CCDC3: variants seen among roughly 807,000 people sequenced by gnomAD.
The protein encoded by CCDC3 is coiled-coil domain containing 3.
A neutral mutation model predicts 21.4 loss-of-function variants in CCDC3; 24 were observed. That is an observed-to-expected ratio of 1.12 (90% confidence interval 0.81 to 1.58). The LOEUF (loss-of-function observed/expected upper bound fraction) is 1.58. Among genes scored for constraint, CCDC3 ranks in the 40% most tolerant of loss-of-function variants. The probability of loss-of-function intolerance (pLI) is 0.00; values close to 1 mark genes in which losing one functional copy is unlikely to be tolerated. For synonymous variants in CCDC3, 186 were observed against 166.0 expected (o/e 1.12, Z -0.93); for missense variants, 425 against 360.9 (o/e 1.18, Z -1.44).
At position 13,057,029 on chromosome 10, in the gene CCDC3, T is replaced by C. The variant is rs533463755; in HGVS notation, c.-269-7088A>G. Reference sequence around the variant, plus strand: ...GGGACAGGCCCGGCACAGTAGCTCTTGCATGTAATCCCAGCACTTTGGAGA... The same window carrying C: ...GGGACAGGCCCGGCACAGTAGCTCTCGCATGTAATCCCAGCACTTTGGAGA... On this transcript the variant is annotated intron_variant, in intron 4 of 6. Transcript: ENST00000378839. Among the ~76,000 whole-genome samples the C allele has an allele frequency of 3.3e-4, 50 of 152,242 alleles. 1 individual carries two copies. Among genetic ancestry groups the C allele is most frequent in the Admixed American group, 3.3e-3 (50 of 15,274 alleles).
chr10:12,916,052 C>A (rs192707492), intron 2 of CCDC3, among the ~76,000 whole-genome samples: 3 of 152,210 alleles, frequency 2.0e-5, no homozygotes, highest in Admixed American at 2.0e-4. Flanking sequence ...CTCGATTGTC[C>A]TGGGACAGGC....
At chr10:13,065,494 G>T (rs1295274176) in intron 4 of CCDC3, among the ~76,000 whole-genome samples, 1 of 152,190 alleles carries the variant, frequency 6.6e-6, no homozygotes, top group Non-Finnish European at 1.5e-5. Context: ...TAGTTAATGA[G>T]ATTATAGTTT....
intron 3 of CCDC3, among the ~76,000 whole-genome samples, chr10:13,074,697 C>A (rs1232174809): frequency 6.6e-6 from 1 of 151,918 alleles, no homozygotes; most frequent in African/African-American, 2.4e-5. Context: ...AGCACAAATA[C>A]GCGTGCACAC....
At chr10:13,025,539 A>T (rs1426840379) in intron 5 of CCDC3, among the ~76,000 whole-genome samples, 1 of 152,206 alleles carries the variant, frequency 6.6e-6, no homozygotes, top group Non-Finnish European at 1.5e-5. Context: ...ATTATAAAAG[A>T]ATCTTGTTAA....
chr10:12,973,345 C>T (rs1835370461), intron 2 of CCDC3, among the ~76,000 whole-genome samples: 1 of 152,218 alleles, frequency 6.6e-6, no homozygotes, highest in Non-Finnish European at 1.5e-5. Flanking sequence ...AGTTAAGTCA[C>T]AGCTGAATGG....
intron 5 of CCDC3, among the ~76,000 whole-genome samples, chr10:13,025,982 A>G (rs931749133): frequency 6.6e-6 from 1 of 152,144 alleles, no homozygotes. Flanking sequence ...GGAGTTCAAG[A>G]CCAGCCTGGC....
intron 2 of CCDC3, among the ~76,000 whole-genome samples, chr10:12,902,883 A>C (rs749198787): frequency 6.6e-6 from 1 of 152,232 alleles, no homozygotes; most frequent in South Asian, 2.1e-4. Context: ...AAGATGGAAC[A>C]GAGGGACGCC....
chr10:12,961,637 G>A (rs1235219278), intron 2 of CCDC3, among the ~76,000 whole-genome samples: 1 of 152,194 alleles, frequency 6.6e-6, no homozygotes, highest in Non-Finnish European at 1.5e-5. Flanking sequence ...AGCAACTCAG[G>A]ACAGCTGGTG....
intron 4 of CCDC3, among the ~76,000 whole-genome samples, chr10:13,056,722 A>G (rs535221100): frequency 1.3e-5 from 2 of 152,338 alleles, no homozygotes; most frequent in African/African-American, 4.8e-5. Flanking sequence ...CAGAGTAACC[A>G]GGTTAGAAGA....
chr10:13,015,111 G>C (rs1429225095), intron 5 of CCDC3, among the ~76,000 whole-genome samples: 1 of 152,126 alleles, frequency 6.6e-6, no homozygotes, highest in African/African-American at 2.4e-5. Flanking sequence ...TGAATGAGCT[G>C]TAGGCCCATG....
At chr10:13,042,580 T>C (rs1175286916) in intron 5 of CCDC3, among the ~76,000 whole-genome samples, 1 of 152,208 alleles carries the variant, frequency 6.6e-6, no homozygotes, top group Non-Finnish European at 1.5e-5. Flanking sequence ...TTCAACTTCC[T>C]GCTTGGTTAC....
rs1469908966 is a variant in CCDC3, at chr10:12,932,065, AT to A, written c.550-33387del. On this transcript the variant is annotated intron_variant, in intron 2 of 2. Transcript: ENST00000378825. ...ATTGAGTCTTCCTATCCATAAACAA[AT>A]CTCCATTTGTTTAGTTCTTTAATAT... Among the ~76,000 whole-genome samples, 45 of 152,180 alleles carry A rather than the reference AT, an allele frequency of 3.0e-4. 1 individual carries two copies. Among genetic ancestry groups the A allele is most frequent in the African/African-American group, 1.1e-3 (44 of 41,514 alleles).
At chr10:13,011,396 C>T (rs1835982600) in intron 5 of CCDC3, among the ~76,000 whole-genome samples, 1 of 152,074 alleles carries the variant, frequency 6.6e-6, no homozygotes, top group South Asian at 2.1e-4. Context: ...ACTAATAGCA[C>T]TCAAGCTGAG....
At chr10:13,029,060 T>C (rs185149675) in intron 5 of CCDC3, among the ~76,000 whole-genome samples, 36 of 152,268 alleles carry the variant, frequency 2.4e-4, no homozygotes, top group Admixed American at 2.2e-3. Flanking sequence ...TGTGCAGGTG[T>C]GTAACTGGGT....
intron 2 of CCDC3, among the ~76,000 whole-genome samples, chr10:12,938,855 C>T (rs1834778003): frequency 6.6e-6 from 1 of 152,196 alleles, no homozygotes; most frequent in South Asian, 2.1e-4. Flanking sequence ...GCTTAATAGA[C>T]ATTTGTATCA....
intron 2 of CCDC3, among the ~76,000 whole-genome samples, chr10:12,951,435 T>A (rs1835006615): frequency 6.6e-6 from 1 of 152,184 alleles, no homozygotes; most frequent in South Asian, 2.1e-4. Context: ...CCATTAGCAG[T>A]GGGCTGTGAA....
intron 3 of CCDC3, among the ~76,000 whole-genome samples, chr10:13,080,107 T>C (rs1204219091): frequency 6.6e-6 from 1 of 152,104 alleles, no homozygotes; most frequent in African/African-American, 2.4e-5. Context: ...TCTGGGCCGA[T>C]GGCAGCCCTG....
At chr10:13,084,204 A>C (rs1039637840) in intron 3 of CCDC3, among the ~76,000 whole-genome samples, 2 of 151,990 alleles carry the variant, frequency 1.3e-5, no homozygotes, top group Non-Finnish European at 1.5e-5. Context: ...CCTAGGGTGG[A>C]CATGTTTCTT....
chr10:12,984,838 C>T (rs992738665), intron 2 of CCDC3, among the ~76,000 whole-genome samples: 2 of 152,100 alleles, frequency 1.3e-5, no homozygotes, highest in African/African-American at 4.8e-5. Flanking sequence ...GTATATGAGA[C>T]GTCCAGAGTA....
Sources: gnomAD v4.1 joint callset for allele counts (sites outside exome capture counted in the v4.1 genomes callset) on GRCh38, gnomAD v4.1.1 for gene constraint, MANE v1.5 for transcripts, NCBI Gene and HGNC (gene_info 2026-07-23, HGNC 2026-07-21) for gene names.